The following CADPS variants were observed in gnomAD, a reference collection of about 807,000 sequenced individuals.
CADPS encodes the protein calcium dependent secretion activator, also known as calcium-dependent secretion activator 1.
A neutral mutation model predicts 167.3 loss-of-function variants in CADPS; 57 were observed. That is an observed-to-expected ratio of 0.34 (90% CI 0.28 to 0.42). The LOEUF is 0.42. Among genes scored for constraint, CADPS ranks in the 20% least tolerant of loss-of-function variants. CADPS has a pLI of 1.00. For missense variants in CADPS, 1,414 were observed against 1,738.1 expected, an observed-to-expected ratio of 0.81 and a Z score of 3.32; for synonymous variants, 676 against 635.3, an observed-to-expected ratio of 1.06 and a Z score of -0.96.
intron 1 of CADPS, among the ~76,000 whole-genome samples, chr3:62,831,458 G>C (rs2075069416): frequency 6.6e-6 from 1 of 152,106 alleles, no homozygotes; most frequent in South Asian, 2.1e-4. Flanking sequence ...TGATGGGTTT[G>C]TCCTCTGGAA....
At chr3:62,698,435 T>A (rs529155714) in intron 3 of CADPS, among the ~76,000 whole-genome samples, 1 of 152,190 alleles carries the variant, frequency 6.6e-6, no homozygotes, top group East Asian at 1.9e-4. Flanking sequence ...TACGATGTTT[T>A]GTGTAGGCAA....
chr3:62,592,569 C>G, intron 7 of CADPS, 68 bp downstream of exon 7: 1 of 1,167,808 alleles, frequency 8.6e-7, no homozygotes, highest in South Asian at 1.3e-5. Context: ...TCTTGGTGAC[C>G]TGTGCACTGG....
intron 6 of CADPS, among the ~76,000 whole-genome samples, chr3:62,625,049 G>T (rs185910591): frequency 6.8e-6 from 1 of 146,632 alleles, no homozygotes; most frequent in Admixed American, 6.6e-5. Context: ...CTCTTCTTGG[G>T]TTGACTACAG....
intron 1 of CADPS, among the ~76,000 whole-genome samples, chr3:62,795,622 A>C (rs1474388510): frequency 6.7e-6 from 1 of 148,830 alleles, no homozygotes; most frequent in African/African-American, 2.6e-5. Flanking sequence ...CACTCAATAA[A>C]TATTCATTGA....
chr3:62,487,195 A>G (rs1047564205), intron 21 of CADPS, among the ~76,000 whole-genome samples: 13 of 152,198 alleles, frequency 8.5e-5, no homozygotes, highest in Non-Finnish European at 1.8e-4. Context: ...GTAAAGATTG[A>G]GTGACCATCT....
chr3:62,485,976 G>C (rs1198268440), intron 21 of CADPS, among the ~76,000 whole-genome samples: 1 of 152,072 alleles, frequency 6.6e-6, no homozygotes, highest in Non-Finnish European at 1.5e-5. Context: ...CATGAGATCT[G>C]ACACCAAGTA....
intron 3 of CADPS, among the ~76,000 whole-genome samples, chr3:62,732,568 G>A (rs1057225541): frequency 2.6e-5 from 4 of 152,202 alleles, no homozygotes; most frequent in African/African-American, 4.8e-5. Flanking sequence ...AAACCACTAT[G>A]TTTCAAGGGA....
chr3:62,410,332 T>G (rs2048722668), intron 28 of CADPS, among the ~76,000 whole-genome samples: 1 of 152,228 alleles, frequency 6.6e-6, no homozygotes, highest in Admixed American at 6.5e-5. Flanking sequence ...ACTGGCATGT[T>G]CAAGCCATCT....
chr3:62,650,102 G>C (rs1048214776), intron 5 of CADPS, among the ~76,000 whole-genome samples: 4 of 152,168 alleles, frequency 2.6e-5, no homozygotes, highest in African/African-American at 9.7e-5. Context: ...TGACAGTGGA[G>C]TTGCTAGATC....
intron 3 of CADPS, among the ~76,000 whole-genome samples, chr3:62,720,767 A>G (rs990254190): frequency 1.3e-5 from 2 of 150,444 alleles, no homozygotes. Context: ...CAAAGCCCAC[A>G]TATTGTTAAT....
intron 11 of CADPS, 50 bp from the exon 12 acceptor site, chr3:62,536,631 C>T: frequency 6.3e-7 from 1 of 1,578,724 alleles, no homozygotes; most frequent in Non-Finnish European, 8.7e-7. Context: ...AAACACATCA[C>T]ATTTTCTTTG....
intron 3 of CADPS, among the ~76,000 whole-genome samples, chr3:62,687,514 C>G (rs2078266645): frequency 6.6e-6 from 1 of 151,926 alleles, no homozygotes; most frequent in Admixed American, 6.6e-5. Context: ...AATTAAATGA[C>G]TAGGAAGTAA....
chr3:62,741,056 A>G (rs909833088), intron 3 of CADPS, among the ~76,000 whole-genome samples: 1 of 152,180 alleles, frequency 6.6e-6, no homozygotes, highest in Non-Finnish European at 1.5e-5. Flanking sequence ...GCAATAACTG[A>G]TTCCAGAGAA....
chr3:62,580,857 C>A (rs546460195), intron 8 of CADPS, among the ~76,000 whole-genome samples: 1 of 152,088 alleles, frequency 6.6e-6, no homozygotes, highest in African/African-American at 2.4e-5. Context: ...GATCTCTGAC[C>A]TAAATAGACA....
At chr3:62,736,696 G>A (rs2079048150) in intron 3 of CADPS, among the ~76,000 whole-genome samples, 1 of 152,146 alleles carries the variant, frequency 6.6e-6, no homozygotes, top group African/African-American at 2.4e-5. Context: ...TAGATAGAAA[G>A]ACTGAGGAAA....
intron 3 of CADPS, among the ~76,000 whole-genome samples, chr3:62,731,784 G>C (rs1323083137): frequency 1.0e-5 from 1 of 95,692 alleles, no homozygotes; most frequent in Non-Finnish European, 2.1e-5. Flanking sequence ...TGACTTCCTG[G>C]TGAAAGAAAC....
chr3:62,419,552 T>C (rs1423185030), intron 28 of CADPS, among the ~76,000 whole-genome samples: 2 of 152,190 alleles, frequency 1.3e-5, no homozygotes, highest in Non-Finnish European at 2.9e-5. Context: ...CCATTATCCT[T>C]GTGAGCAGTG....
In CADPS at chr3:62,412,661, G is replaced by A. The variant is rs923323397; in HGVS notation, c.3778-9476C>T. On this transcript the variant is annotated intron_variant, in intron 28 of 29. Coordinates refer to ENST00000383710, the MANE Select transcript of CADPS (RefSeq NM_003716.4). The surrounding 1 kb of genome is among the most constrained non-coding windows in gnomAD (Gnocchi z 4.1). ...ATTTCTAACGAATGATTAAAGGGAT[G>A]AATCCACAAGTAGACTCCCGACTTA... is the stretch of plus-strand genomic sequence containing the variant. Among the ~76,000 whole-genome samples, 2 of 152,100 alleles carry A rather than the reference G, an allele frequency of 1.3e-5. No individual in the cohort carries two copies. The highest frequency in any genetic ancestry group is 1.5e-5 in the Non-Finnish European group (1 of 68,030).
At position 62,874,512 on chromosome 3, in the gene CADPS, C is replaced by T. The variant is rs1560045716; in HGVS notation, c.441+77G>A. 9.5e-6 allele frequency: 11 copies of T among 1,154,510 alleles called. No homozygotes were observed. In the East Asian group the frequency reaches 2.7e-4, roughly 28 times the overall value. 71.5% of individuals were successfully genotyped at this position (1,154,510 alleles called of 1,614,324 possible). ...CTCCTGCTCCTCCTCGCCAGCTGCG[C>T]CGCCAGCTCCCATTGTTCACCCCGC... On this transcript the variant is annotated intron_variant, in intron 1 of 29. Transcript: ENST00000383710. The surrounding 1 kb of genome is among the most constrained non-coding windows in gnomAD (Gnocchi z 7.1).
Sources: allele counts gnomAD v4.1 joint callset (sites outside exome capture counted in the v4.1 genomes callset), GRCh38; gene constraint gnomAD v4.1.1; non-coding constraint Gnocchi (gnomAD v3.1); transcripts MANE v1.5; gene names NCBI Gene and HGNC (gene_info 2026-07-23, HGNC 2026-07-21).